The following IL12RB2 variants were observed in gnomAD, a reference collection of about 807,000 sequenced individuals.
IL12RB2 encodes interleukin 12 receptor subunit beta 2.
In IL12RB2, 82 loss-of-function variants were observed where a neutral mutation model predicts 89.4. The observed-to-expected ratio is 0.92, with a 90% CI of 0.77 to 1.10. The LOEUF is 1.10. IL12RB2 is among the 50% of genes least tolerant of loss of function. The probability of loss-of-function intolerance (pLI) is 0.00; values close to 1 mark genes in which losing one functional copy is unlikely to be tolerated. For synonymous variants in IL12RB2, 368 were observed against 370.1 expected (o/e 0.99, Z 0.07); for missense variants, 963 against 1,031.9 (o/e 0.93, Z 0.92).
intron 4 of IL12RB2, among the ~76,000 whole-genome samples, chr1:67,324,123 T>C (rs77787677): frequency 0.026 from 3,982 of 152,322 alleles, 200 homozygotes; most frequent in East Asian, 0.22. Flanking sequence ...ACGAGTAGTG[T>C]GTGTATATGC....
intron 16 of IL12RB2, 120 bp downstream of exon 16, chr1:67,390,248 T>C (rs1325820533): frequency 5.8e-6 from 4 of 694,862 alleles, no homozygotes; most frequent in African/African-American, 5.3e-5. Context: ...CTTAAGTTAT[T>C]CACGCTTGGC....
intron 10 of IL12RB2, among the ~76,000 whole-genome samples, chr1:67,357,643 T>G (rs928561321): frequency 1.3e-5 from 2 of 152,224 alleles, no homozygotes; most frequent in Admixed American, 6.5e-5. Context: ...TAGAATACTA[T>G]TCTACTTTTG....
chr1:67,388,625 T>G (rs1437744260), intron 15 of IL12RB2, among the ~76,000 whole-genome samples: 1 of 152,230 alleles, frequency 6.6e-6, no homozygotes, highest in East Asian at 1.9e-4. Flanking sequence ...ATTACAGGCG[T>G]GAGCCACCGC....
Position 67,386,765 on chromosome 1 carries a change from C to A in IL12RB2, c.1946+96C>A. 3.5e-6 allele frequency: 3 copies of A among 847,148 alleles called. No individual in the cohort carries two copies. The South Asian group carries it at 4.0e-5, about 11-fold the overall frequency. The allele number at this position is 847,148 out of a possible 1,614,324, so 52.5% of individuals were successfully genotyped here. A position where few individuals can be genotyped will look rare whatever the true frequency, so the allele number is the denominator to read the frequency against. The stretch of plus-strand genomic sequence containing the variant: ...GGTCAGGGAAATGGACACTCTCACA[C>A]ATTCCTGGTGAGAGACTAAACTTAT... On this transcript the variant is annotated intron_variant, in intron 15 of 16. Coordinates refer to ENST00000674203, the MANE Select transcript of IL12RB2 (RefSeq NM_001374259.2).
rs189872517 is a variant in IL12RB2, at chr1:67,346,582, C to T, written c.1039-4288C>T. Among the ~76,000 whole-genome samples, 1,203 of 152,020 alleles carry T rather than the reference C, an allele frequency of 7.9e-3. 9 individuals are homozygous for T. The highest frequency in any genetic ancestry group is 0.022 in the African/African-American group (918 of 41,446). ...TTGTATTTTTAGTAGAAAGTGGTTT[C>T]ACCATGTTGGCTGAGCTGGTCTCAA... On this transcript the variant is annotated intron_variant, in intron 9 of 16. Coordinates refer to ENST00000674203, the MANE Select transcript of IL12RB2 (RefSeq NM_001374259.2).
At chr1:67,342,088 T>C (rs1231600114) in intron 9 of IL12RB2, among the ~76,000 whole-genome samples, 1 of 152,184 alleles carries the variant, frequency 6.6e-6, no homozygotes. Context: ...ACAAGGGAGT[T>C]ATCTAAGTGT....
intron 13 of IL12RB2, among the ~76,000 whole-genome samples, chr1:67,374,062 GA>G (rs1689500776): frequency 6.6e-6 from 1 of 151,922 alleles, no homozygotes; most frequent in Non-Finnish European, 1.5e-5. Flanking sequence ...TAGTCTTCCA[GA>G]AAAAAACAAT....
rs563343309 is a variant in IL12RB2 at position 67,318,888 on chromosome 1, GA to G, written c.-36-1433del. Among the ~76,000 whole-genome samples the G allele has an allele frequency of 3.1e-3, 434 of 141,390 alleles. 5 individuals carry two copies. Among genetic ancestry groups the G allele is most frequent in the East Asian group, 0.018 (89 of 4,954 alleles). 92.8% of individuals were successfully genotyped at this position (141,390 alleles called of 152,430 possible). ...ATCCCCTACAGAGAAAGTAGAAATGGAAAAAAAAAAAATACCTTGAGTGAGC... is the reference window on the plus strand; with the variant it reads ...ATCCCCTACAGAGAAAGTAGAAATGGAAAAAAAAAAATACCTTGAGTGAGC... On this transcript the variant is annotated intron_variant, in intron 2 of 16. Coordinates refer to ENST00000674203, the MANE Select transcript of IL12RB2 (RefSeq NM_001374259.2).
chr1:67,346,798 C>T (rs1660287842), intron 9 of IL12RB2, among the ~76,000 whole-genome samples: 1 of 152,186 alleles, frequency 6.6e-6, no homozygotes, highest in Admixed American at 6.5e-5. Context: ...TTGTAACCAA[C>T]TGAATGGCAT....
chr1:67,330,973 G>A (rs572353860), intron 8 of IL12RB2, among the ~76,000 whole-genome samples, 163 bp downstream of exon 8: 1 of 152,246 alleles, frequency 6.6e-6, no homozygotes, highest in Admixed American at 6.5e-5. Context: ...CTTAAGTGCT[G>A]AAACTGTTCA....
chr1:67,386,872 T>TTTTATATATA (rs1473033781), intron 15 of IL12RB2, among the ~76,000 whole-genome samples: 148 of 48,260 alleles, frequency 3.1e-3, no homozygotes, highest in Non-Finnish European at 5.2e-3. Flanking sequence ...GAAATGTATT[T>TTTTATATATA]TATATATATA....
intron 9 of IL12RB2, among the ~76,000 whole-genome samples, chr1:67,345,243 G>A (rs1557428063): frequency 2.6e-5 from 4 of 152,112 alleles, no homozygotes; most frequent in South Asian, 2.1e-4. Context: ...TTTGTTATAC[G>A]AAGTAATTCA....
At chr1:67,394,646 T>C (rs575714810) in intron 16 of IL12RB2, among the ~76,000 whole-genome samples, 1 of 152,288 alleles carries the variant, frequency 6.6e-6, no homozygotes, top group South Asian at 2.1e-4. Flanking sequence ...CTTTCGGTAG[T>C]TCTCTCAAGG....
At chr1:67,382,041 C>T (rs901362130) in intron 14 of IL12RB2, among the ~76,000 whole-genome samples, 2 of 152,164 alleles carry the variant, frequency 1.3e-5, no homozygotes, top group Admixed American at 1.3e-4. Flanking sequence ...ACTGGTTTTA[C>T]TCCAAACTTG....
chr1:67,381,548 G>A (rs1375222671), intron 14 of IL12RB2, among the ~76,000 whole-genome samples: 3 of 152,048 alleles, frequency 2.0e-5, no homozygotes, highest in South Asian at 2.1e-4. Flanking sequence ...CGGATCATGA[G>A]GTCAGGAGAT....
intron 10 of IL12RB2, among the ~76,000 whole-genome samples, chr1:67,354,561 G>A (rs910835240): frequency 3.3e-5 from 5 of 152,260 alleles, no homozygotes; most frequent in Admixed American, 1.3e-4. Flanking sequence ...CCGAGCTGTC[G>A]TTAAGAGGGT....
At chr1:67,317,314 C>T (rs1194802160) in intron 2 of IL12RB2, among the ~76,000 whole-genome samples, 1 of 152,168 alleles carries the variant, frequency 6.6e-6, no homozygotes, top group African/African-American at 2.4e-5. Flanking sequence ...CAGATTTTGG[C>T]TTAAATCTGT....
intron 13 of IL12RB2, among the ~76,000 whole-genome samples, chr1:67,377,605 T>G (rs1032672803): frequency 1.3e-5 from 2 of 152,042 alleles, no homozygotes; most frequent in African/African-American, 4.8e-5. Flanking sequence ...CCTTTACCCC[T>G]CCTTTCACAT....
intron 9 of IL12RB2, among the ~76,000 whole-genome samples, chr1:67,341,374 G>A (rs569485436): frequency 1.3e-5 from 2 of 151,500 alleles, no homozygotes; most frequent in South Asian, 2.1e-4. Flanking sequence ...AGCTGAGATC[G>A]TGCCATAGTA....
Sources: allele counts gnomAD v4.1 joint callset (sites outside exome capture counted in the v4.1 genomes callset), GRCh38; gene constraint gnomAD v4.1.1; transcripts MANE v1.5; gene names NCBI Gene and HGNC (gene_info 2026-07-23, HGNC 2026-07-21).